PNKD: variants seen among roughly 807,000 people sequenced by gnomAD.
PNKD encodes the protein PNKD metallo-beta-lactamase domain containing.
A neutral mutation model predicts 45.3 loss-of-function variants in PNKD; 36 were observed. The ratio of observed to expected loss-of-function variants is 0.80; its 90% CI spans 0.61 to 1.05. PNKD has a LOEUF of 1.05. PNKD is among the 50% of genes least tolerant of loss of function. The probability of loss-of-function intolerance (pLI) is 0.00; values close to 1 mark genes in which losing one functional copy is unlikely to be tolerated. For missense variants in PNKD, 511 were observed against 506.6 expected (o/e 1.01, Z -0.08); for synonymous variants, 197 against 210.1 (o/e 0.94, Z 0.54).
chr2:218,328,508 G>A (rs532101700), intron 2 of PNKD, among the ~76,000 whole-genome samples: 1 of 152,284 alleles, frequency 6.6e-6, no homozygotes, highest in African/African-American at 2.4e-5. Flanking sequence ...GAGAAACTTT[G>A]TTCAAGACTG....
chr2:218,330,195 C>T (rs1320885404), intron 2 of PNKD, among the ~76,000 whole-genome samples: 2 of 152,334 alleles, frequency 1.3e-5, no homozygotes, highest in Non-Finnish European at 2.9e-5. Context: ...TGTTATGCTG[C>T]TCCCCTGCCT....
At chr2:218,323,463 CGGGAGGCGGGCGCGCTGGGAGAGGGGACT>C in intron 2 of PNKD, 3 of 1,112,762 alleles carry the variant, frequency 2.7e-6, no homozygotes, top group East Asian at 8.3e-5. Flanking sequence ...CGTGCGGGCT[CGGGAGGCGGGCGCGCTGGGAGAGGGGACT>C]GGGAGGCGGG....
chr2:218,305,422 G>A (rs1468569132), intron 2 of PNKD, among the ~76,000 whole-genome samples: 1 of 152,118 alleles, frequency 6.6e-6, no homozygotes, highest in Non-Finnish European at 1.5e-5. Flanking sequence ...CAAAATCATA[G>A]TTCACTGCAG....
intron 2 of PNKD, among the ~76,000 whole-genome samples, chr2:218,326,000 A>G (rs1694144351): frequency 6.7e-6 from 1 of 149,764 alleles, no homozygotes; most frequent in Non-Finnish European, 1.5e-5. Context: ...AGATATTTGC[A>G]GGAAACTGTA....
chr2:218,311,509 G>A (rs1057034587), intron 2 of PNKD, among the ~76,000 whole-genome samples: 2 of 152,192 alleles, frequency 1.3e-5, no homozygotes, highest in African/African-American at 2.4e-5. Context: ...AAAGGAATCT[G>A]TATCATGAAT....
At chr2:218,278,221 C>T in intron 2 of PNKD, 1 of 605,346 alleles carries the variant, frequency 1.7e-6, no homozygotes, top group Non-Finnish European at 2.9e-6. Context: ...AACTGACTGC[C>T]TGTGTGATGG....
intron 2 of PNKD, among the ~76,000 whole-genome samples, chr2:218,302,276 A>G (rs367880396): frequency 7.1e-4 from 108 of 152,284 alleles, no homozygotes; most frequent in African/African-American, 2.4e-3. Context: ...TGAACCCAGG[A>G]GGCAGAGGTT....
At chr2:218,299,624 T>C (rs1482374798) in intron 2 of PNKD, among the ~76,000 whole-genome samples, 5 of 151,438 alleles carry the variant, frequency 3.3e-5, no homozygotes, top group African/African-American at 7.3e-5. Flanking sequence ...TTTGTAATTT[T>C]TTTTTTTTTT....
intron 2 of PNKD, chr2:218,290,018 C>G (rs1043263706): frequency 1.3e-5 from 2 of 152,176 alleles, no homozygotes; most frequent in African/African-American, 2.4e-5. Context: ...CCCCTGGCCT[C>G]CTTTTATCCC....
At chr2:218,328,420 A>T (rs1694218375) in intron 2 of PNKD, among the ~76,000 whole-genome samples, 1 of 152,002 alleles carries the variant, frequency 6.6e-6, no homozygotes, top group South Asian at 2.1e-4. Context: ...CTTTATGTTC[A>T]CCCTAGTTCA....
intron 2 of PNKD, among the ~76,000 whole-genome samples, chr2:218,335,043 T>G (rs941745866): frequency 6.6e-6 from 1 of 152,072 alleles, no homozygotes; most frequent in African/African-American, 2.4e-5. Context: ...TCCCAGCTAC[T>G]CGGGATACTG....
chr2:218,277,322 A>G, intron 2 of PNKD: 1 of 1,581,186 alleles, frequency 6.3e-7, no homozygotes, highest in Non-Finnish European at 8.7e-7. Context: ...GCCTGATAAG[A>G]AAGGGGAGTC....
At chr2:218,270,927 A>T (rs1227545969) in intron 1 of PNKD, 1 of 349,630 alleles carries the variant, frequency 2.9e-6, no homozygotes, top group African/African-American at 2.1e-5. Context: ...AGCCCCGGAT[A>T]ATTAGCAGTT....
At chr2:218,291,654 G>T (rs765036638) in intron 2 of PNKD, among the ~76,000 whole-genome samples, 1 of 152,196 alleles carries the variant, frequency 6.6e-6, no homozygotes, top group Middle Eastern at 3.4e-3. Flanking sequence ...CAAGGCCAGG[G>T]CCTGGCCTCC....
Position 218,343,560 on chromosome 2 carries a change from T to C in PNKD, c.842T>C (p.Leu281Pro). The stretch of plus-strand genomic sequence containing the variant: ...AGCTCACTGGACACTGTGCTGGGGC[T>C]AGGGGATGACACCCTTCTGTGGCCT... ...MLSSLDTVLGLGDDTLLWPGH... is the reference protein window; with the variant it reads ...MLSSLDTVLGPGDDTLLWPGH... Residue 281 changes from leucine (L) to proline (P), a missense_variant, in exon 8 of 10, where the codon CTA (leucine) becomes CCA (proline). Transcript: ENST00000273077. 1 of 1,613,500 alleles carries C rather than the reference T, an allele frequency of 6.2e-7. No homozygotes were observed. The highest frequency in any genetic ancestry group is 8.5e-7 in the Non-Finnish European group (1 of 1,179,748).
At chr2:218,342,186 G>C in intron 7 of PNKD, 42 bp downstream of exon 7, 7 of 1,580,286 alleles carry the variant, frequency 4.4e-6, no homozygotes, top group Non-Finnish European at 6.1e-6. Flanking sequence ...AGAGGAGGGA[G>C]AGACAGAAGC....
Position 218,340,892 on chromosome 2 carries a change from C to T in PNKD, c.524+106C>T. 2.2e-6 allele frequency: 2 copies of T among 892,304 alleles called. No individual in the cohort carries two copies. Among genetic ancestry groups the T allele is most frequent in the Non-Finnish European group, 3.8e-6 (2 of 527,730 alleles). The allele number at this position is 892,304 out of a possible 1,614,324, so 55.3% of individuals were successfully genotyped here. ...CCAGAGATCAAGAAGTCAGTACGGG[C>T]CGGCACCCGCCTTCCTCGTGAAGTC... is the stretch of plus-strand genomic sequence containing the variant. On this transcript the variant is annotated intron_variant, in intron 5 of 9. Coordinates refer to ENST00000273077, the MANE Select transcript of PNKD (RefSeq NM_015488.5). This position sits in a 1 kb window ranked among gnomAD's most constrained non-coding sequence, Gnocchi z 4.2.
chr2:218,315,012 T>C (rs1037631740), intron 2 of PNKD, among the ~76,000 whole-genome samples: 25 of 4,050 alleles, frequency 6.2e-3, no homozygotes, highest in Admixed American at 0.047. Flanking sequence ...CTTTCTTTCT[T>C]TTTCTTTCTT....
At chr2:218,328,476 C>T (rs1192633320) in intron 2 of PNKD, among the ~76,000 whole-genome samples, 1 of 152,186 alleles carries the variant, frequency 6.6e-6, no homozygotes, top group African/African-American at 2.4e-5. Context: ...TCTCCCCCAA[C>T]CAGAATATGG....
Sources: gnomAD v4.1 joint callset for allele counts (sites outside exome capture counted in the v4.1 genomes callset) on GRCh38, gnomAD v4.1.1 for gene constraint, Gnocchi (gnomAD v3.1) non-coding constraint, MANE v1.5 for transcripts, NCBI Gene and HGNC (gene_info 2026-07-23, HGNC 2026-07-21) for gene names.